FGF13: variants seen among roughly 807,000 people sequenced by gnomAD.
FGF13 encodes the protein fibroblast growth factor 13, also known as fibroblast growth factor homologous factor 2.
Under a neutral mutation model 19.5 loss-of-function variants are expected in FGF13, and 2 were observed. The observed-to-expected ratio is 0.10, with a 90% CI of 0.04 to 0.32. The LOEUF (loss-of-function observed/expected upper bound fraction) is 0.32. FGF13 is among the 10% of genes least tolerant of loss of function. The pLI is 1.00. For synonymous variants in FGF13, 72 were observed against 76.9 expected (o/e 0.94, Z 0.33); for missense variants, 113 against 192.7 (o/e 0.59, Z 2.45).
chrX:138,972,159 A>G (rs1293822834), intron 1 of FGF13, among the ~76,000 whole-genome samples: 1 of 108,246 alleles, frequency 9.2e-6, no homozygotes, highest in Non-Finnish European at 1.9e-5. Context: ...TAGTGCTGCA[A>G]TGAACATGGG....
chrX:138,950,974 C>T (rs890845326), intron 1 of FGF13, among the ~76,000 whole-genome samples: 2 of 111,193 alleles, frequency 1.8e-5, no homozygotes, highest in African/African-American at 3.3e-5. Context: ...AGACACCACT[C>T]GTTGAGGGCT....
At chrX:138,808,752 A>G in intron 3 of FGF13, among the ~76,000 whole-genome samples, 1 of 111,940 alleles carries the variant, frequency 8.9e-6, no homozygotes, top group Non-Finnish European at 1.9e-5. Flanking sequence ...ATAAAAAATG[A>G]TAAAGGGGAT....
intron 1 of FGF13, among the ~76,000 whole-genome samples, chrX:138,993,394 C>G (rs756973327): frequency 8.9e-6 from 1 of 111,794 alleles, no homozygotes; most frequent in East Asian, 2.8e-4. Flanking sequence ...CTGATGTTGC[C>G]ATTTTTCAGT....
At chrX:139,130,994 G>T (rs943326390) in intron 1 of FGF13, among the ~76,000 whole-genome samples, 6 of 111,398 alleles carry the variant, frequency 5.4e-5, no homozygotes, top group Non-Finnish European at 7.5e-5. Context: ...TAAGTGGAAT[G>T]ATTTTTCTAT....
At chrX:138,872,174 C>A (rs2091361478) in intron 1 of FGF13, among the ~76,000 whole-genome samples, 1 of 111,941 alleles carries the variant, frequency 8.9e-6, no homozygotes, top group South Asian at 3.7e-4. Context: ...TGGCTGATGG[C>A]AGGCAGCATC....
intron 1 of FGF13, among the ~76,000 whole-genome samples, chrX:139,000,870 T>G (rs1257371949): frequency 8.9e-6 from 1 of 111,825 alleles, no homozygotes; most frequent in Non-Finnish European, 1.9e-5. Context: ...AGAGCCCACA[T>G]AGCCAAGACA....
At chrX:138,856,528 G>A (rs952140910), downstream of FGF13, among the ~76,000 whole-genome samples, 1 of 111,687 alleles carries the variant, frequency 9.0e-6, no homozygotes, top group African/African-American at 3.3e-5. Context: ...AAACAAGGTC[G>A]CTTTTAGAAA....
At chrX:138,705,162 C>T (rs1249637356) in intron 2 of FGF13, among the ~76,000 whole-genome samples, 5 of 111,681 alleles carry the variant, frequency 4.5e-5, no homozygotes, top group Non-Finnish European at 9.4e-5. Context: ...ATGCTTGACA[C>T]CTAGTTTAGT....
chrX:139,162,159 C>T (rs1040346067), intron 1 of FGF13, among the ~76,000 whole-genome samples: 12 of 112,356 alleles, frequency 1.1e-4, no homozygotes, highest in African/African-American at 3.6e-4. Flanking sequence ...CACTACAAGG[C>T]TACAGTAAGC....
At chrX:139,002,551 A>C (rs754038152) in intron 1 of FGF13, among the ~76,000 whole-genome samples, 9 of 111,195 alleles carry the variant, frequency 8.1e-5, no homozygotes, top group African/African-American at 2.9e-4. Flanking sequence ...GGGGAAGCTA[A>C]GGAAATGCTT....
intron 3 of FGF13, among the ~76,000 whole-genome samples, chrX:138,757,831 T>A (rs938704433): frequency 3.6e-5 from 4 of 111,907 alleles, no homozygotes; most frequent in African/African-American, 1.3e-4. Context: ...ACATGGATGA[T>A]CTACTTCAGT....
chrX:138,905,751 C>G (rs1603019657), intron 1 of FGF13, among the ~76,000 whole-genome samples: 1 of 112,049 alleles, frequency 8.9e-6, no homozygotes, highest in African/African-American at 3.2e-5. Context: ...TTGTTTAGGT[C>G]GTGGATCCAG....
chrX:139,008,301 G>A (rs2092112603), intron 1 of FGF13, among the ~76,000 whole-genome samples: 1 of 111,888 alleles, frequency 8.9e-6, no homozygotes, highest in African/African-American at 3.3e-5. Context: ...ATTTAACCAG[G>A]TGACCCTAGG....
At chrX:138,970,263 G>T (rs1294643133) in intron 1 of FGF13, among the ~76,000 whole-genome samples, 1 of 111,406 alleles carries the variant, frequency 9.0e-6, no homozygotes, top group Non-Finnish European at 1.9e-5. Flanking sequence ...CACATGGTTG[G>T]CACTCAATAA....
intron 3 of FGF13, among the ~76,000 whole-genome samples, chrX:138,645,539 T>C (rs1007387929): frequency 1.8e-5 from 2 of 112,164 alleles, no homozygotes; most frequent in African/African-American, 6.5e-5. Flanking sequence ...ATGTGCTTCA[T>C]ACGGAAGATC....
intron 3 of FGF13, among the ~76,000 whole-genome samples, chrX:138,794,911 A>G (rs1301815484): frequency 8.9e-6 from 1 of 111,991 alleles, no homozygotes; most frequent in Non-Finnish European, 1.9e-5. Context: ...TTAACTGAAG[A>G]GGTATTTTGA....
intron 1 of FGF13, among the ~76,000 whole-genome samples, chrX:138,928,972 G>C (rs928687546): frequency 9.0e-5 from 10 of 111,661 alleles, no homozygotes; most frequent in African/African-American, 3.3e-4. Flanking sequence ...GCCCCTGCTT[G>C]GGATTTGCTC....
At chrX:138,866,293 G>A (rs1348787129) in intron 1 of FGF13, among the ~76,000 whole-genome samples, 1 of 112,580 alleles carries the variant, frequency 8.9e-6, no homozygotes, top group Non-Finnish European at 1.9e-5. Context: ...TGAAGCAAGG[G>A]TGGCAAACCA....
chrX:139,099,245 C>T (rs1185492886), intron 1 of FGF13, among the ~76,000 whole-genome samples: 14 of 110,423 alleles, frequency 1.3e-4, no homozygotes, highest in African/African-American at 3.6e-4. Context: ...TTAGAAATAA[C>T]AACCTAATTA....
Sources: allele counts gnomAD v4.1 joint callset (sites outside exome capture counted in the v4.1 genomes callset), GRCh38; gene constraint gnomAD v4.1.1; transcripts MANE v1.5; gene names NCBI Gene and HGNC (gene_info 2026-07-23, HGNC 2026-07-21).